HADHB: variants seen among roughly 807,000 people sequenced by gnomAD.
HADHB encodes the protein hydroxyacyl-CoA dehydrogenase trifunctional multienzyme complex subunit beta.
In HADHB, 50 loss-of-function variants were observed where a neutral mutation model predicts 61.9. The ratio of observed to expected loss-of-function variants is 0.81; its 90% CI spans 0.64 to 1.02. The LOEUF (loss-of-function observed/expected upper bound fraction) is 1.02. HADHB is among the 50% of genes least tolerant of loss of function. The pLI is 0.00. For synonymous variants in HADHB, 191 were observed against 201.6 expected (o/e 0.95, Z 0.45); for missense variants, 504 against 586.5 (o/e 0.86, Z 1.45).
rs1418585007 is a variant in HADHB, at chr2:26,280,061, A to C, written c.879A>C (p.Lys293Asn). 6.2e-7 allele frequency: 1 copy of C among 1,611,210 alleles called. No individual in the cohort carries two copies. The highest frequency in any genetic ancestry group is 1.7e-5 in the Admixed American group (1 of 60,012). Residue 293 changes from lysine (K) to asparagine (N), a missense_variant, in exon 10 of 16, where the codon AAA (lysine) becomes AAC (asparagine). Coordinates refer to ENST00000317799, the MANE Select transcript of HADHB (RefSeq NM_000183.3). Reference protein sequence around the residue: ...PSSLEQMAKLKPAFIKPYGTV... With the variant: ...PSSLEQMAKLNPAFIKPYGTV... ...CACTGGAGCAGATGGCCAAACTAAA[A>C]CCTGCATTCATCAAGCCCTACGGCA... is the stretch of plus-strand genomic sequence containing the variant.
At chr2:26,285,302 G>A (rs1391932600) in intron 14 of HADHB, 105 bp from the exon 15 acceptor site, 9 of 937,012 alleles carry the variant, frequency 9.6e-6, no homozygotes, top group Admixed American at 5.4e-5. Flanking sequence ...TATGTCTGAC[G>A]TTACGTATTT....
Position 26,277,145 on chromosome 2 carries a change from C to G in HADHB, c.427C>G (p.Gln143Glu), listed in dbSNP as rs200718690. The G allele has an allele frequency of 6.5e-7, 1 of 1,540,318 alleles. No homozygotes were observed. The highest frequency in any genetic ancestry group is 8.9e-7 in the Non-Finnish European group (1 of 1,120,980). ...TVTMACISAN[Q>E]AMTTGVGLIA... ...CACCATGGCTTGTATCTCTGCCAAC[C>G]AAGCCATGACCACAGGTATGTTTAA... The change falls in exon 7 of 16, where the codon CAA becomes GAA. Residue 143 changes from glutamine (Q) to glutamate (E), a missense_variant. Gln to Glu is a conservative substitution (Grantham distance 29). Coordinates refer to ENST00000317799, the MANE Select transcript of HADHB (RefSeq NM_000183.3).
chr2:26,282,531 TTACAGGCA>T, intron 10 of HADHB, among the ~76,000 whole-genome samples: 1 of 152,308 alleles, frequency 6.6e-6, no homozygotes, highest in Non-Finnish European at 1.5e-5. Flanking sequence ...AGTGCTGGGA[TTACAGGCA>T]TACAGGCATG....
chr2:26,276,613 C>T (rs1312139814), intron 6 of HADHB, among the ~76,000 whole-genome samples: 1 of 152,178 alleles, frequency 6.6e-6, no homozygotes, highest in Non-Finnish European at 1.5e-5. Flanking sequence ...ATCACTTTTG[C>T]TTTGCTGCTA....
At chr2:26,266,747 G>C (rs1251193471) in intron 4 of HADHB, among the ~76,000 whole-genome samples, 1 of 151,622 alleles carries the variant, frequency 6.6e-6, no homozygotes, top group Non-Finnish European at 1.5e-5. Context: ...AGGCATGGTG[G>C]CGTGCACCTG....
chr2:26,271,882 C>T (rs947693746), intron 5 of HADHB, among the ~76,000 whole-genome samples: 3 of 152,022 alleles, frequency 2.0e-5, no homozygotes, highest in Non-Finnish European at 4.4e-5. Context: ...GCAGGGCAAT[C>T]GAGCAAGACT....
At chr2:26,266,724 A>G (rs183280260) in intron 4 of HADHB, among the ~76,000 whole-genome samples, 1 of 151,318 alleles carries the variant, frequency 6.6e-6, no homozygotes, top group Non-Finnish European at 1.5e-5. Flanking sequence ...TACTAAAAAT[A>G]CAAAAATTAG....
chr2:26,270,980 G>A (rs1414557456), intron 5 of HADHB, among the ~76,000 whole-genome samples: 2 of 149,516 alleles, frequency 1.3e-5, no homozygotes, highest in African/African-American at 2.5e-5. Context: ...CCGGGTTCAC[G>A]CCATTCTCCT....
chr2:26,282,121 A>C (rs985193918), intron 10 of HADHB, among the ~76,000 whole-genome samples: 1 of 152,120 alleles, frequency 6.6e-6, no homozygotes, highest in Non-Finnish European at 1.5e-5. Flanking sequence ...ACGGGCAGAA[A>C]GCAGCTGAGA....
chr2:26,263,401 A>C lies in HADHB; in HGVS notation c.131A>C (p.Lys44Thr). ...AAPAVQTKTK[K>T]TLAKPNIRNV... ...AAAGCTGTCCAGACCAAAACGAAGA[A>C]GACGTTAGCCAAACCCAATATAAGG... Residue 44 changes from lysine (K) to threonine (T), a missense_variant, in exon 4 of 16, where the codon AAG becomes ACG. Coordinates refer to ENST00000317799, the MANE Select transcript of HADHB (RefSeq NM_000183.3). The C allele has an allele frequency of 6.2e-7, 1 of 1,612,024 alleles. No homozygotes were observed. Among genetic ancestry groups the C allele is most frequent in the Non-Finnish European group, 8.5e-7 (1 of 1,178,128 alleles).
chr2:26,262,891 C>T lies in HADHB; in HGVS notation c.110-489C>T, dbSNP rs527378187. Among the ~76,000 whole-genome samples the T allele has an allele frequency of 2.6e-5, 4 of 152,154 alleles. 1 individual carries two copies. The East Asian group carries it at 7.7e-4, about 29-fold the overall frequency. On this transcript the variant is annotated intron_variant, in intron 3 of 15. Transcript: ENST00000317799. ...ATCTTAAATATTATTTAGAAACTTA[C>T]AAATGCTAGTCAATTTCTTAGCCTT...
rs1320753863 is a variant in HADHB at position 26,253,872 on chromosome 2, AT to A, written c.-8-374del. On this transcript the variant is annotated intron_variant, in intron 1 of 15. Transcript: ENST00000317799. The stretch of plus-strand genomic sequence containing the variant: ...CCATCTCAAAAAAATAAATAAATAA[AT>A]AAATAAATAAATAAATAAATAAATA... 4.7e-3 allele frequency among the ~76,000 whole-genome samples: 697 copies of A among 148,030 alleles called. 5 individuals are homozygous for A. The highest frequency in any genetic ancestry group is 6.0e-3 in the Non-Finnish European group (405 of 67,220).
Position 26,279,239 on chromosome 2 carries a change from A to G in HADHB, c.735A>G (p.Ala245=), listed in dbSNP as rs1378842987. Residue 245 remains alanine (A), a synonymous_variant, in exon 9 of 16, where the codon GCA becomes GCG. Coordinates refer to ENST00000317799, the MANE Select transcript of HADHB (RefSeq NM_000183.3). ...CTCGGCTGGAACAGGATGAATATGC[A>G]CTGCGCTCTCACAGTCTAGCCAAGA... is the stretch of plus-strand genomic sequence containing the variant. ...AVSRLEQDEY[A]LRSHSLAKKA... 7.4e-6 allele frequency: 12 copies of G among 1,613,316 alleles called. No individual in the cohort carries two copies. Among genetic ancestry groups the G allele is most frequent in the Non-Finnish European group, 1.0e-5 (12 of 1,179,434 alleles).
chr2:26,285,683 G>T (rs1474023048), intron 15 of HADHB, 112 bp downstream of exon 15: 6 of 662,288 alleles, frequency 9.1e-6, no homozygotes, highest in East Asian at 2.8e-5. Flanking sequence ...TGACCTGGGG[G>T]TGGGGAGTGG....
chr2:26,256,250 A>C (rs913044274), intron 3 of HADHB, among the ~76,000 whole-genome samples: 1 of 152,248 alleles, frequency 6.6e-6, no homozygotes, highest in Non-Finnish European at 1.5e-5. Flanking sequence ...GGAAGCAGGC[A>C]TGTGCCTGTG....
chr2:26,270,208 C>T (rs1165386722), intron 5 of HADHB, among the ~76,000 whole-genome samples: 1 of 152,114 alleles, frequency 6.6e-6, no homozygotes, highest in African/African-American at 2.4e-5. Flanking sequence ...CCACAGGACT[C>T]GATTGATCAG....
intron 6 of HADHB, among the ~76,000 whole-genome samples, chr2:26,276,775 T>G (rs774385988): frequency 2.5e-4 from 38 of 152,204 alleles, no homozygotes; most frequent in Non-Finnish European, 4.6e-4. Flanking sequence ...TATATTGATA[T>G]TCTTGAAGGC....
At position 26,280,135 on chromosome 2, in the gene HADHB, G is replaced by A. The variant is rs1010430114; in HGVS notation, c.933+20G>A. 1.6e-5 allele frequency: 26 copies of A among 1,595,268 alleles called. No homozygotes were observed. The highest frequency in any genetic ancestry group is 1.7e-4 in the Middle Eastern group (1 of 6,032). On this transcript the variant is annotated intron_variant, in intron 10 of 15. Coordinates refer to ENST00000317799, the MANE Select transcript of HADHB (RefSeq NM_000183.3). ...TTCTTGGTAACTGTCAATGTTATTT[G>A]TATTTAGTAGTGACTTTTCTATTTC...
intron 4 of HADHB, among the ~76,000 whole-genome samples, chr2:26,266,434 G>A (rs899440299): frequency 5.3e-5 from 8 of 152,082 alleles, no homozygotes; most frequent in African/African-American, 4.8e-5. Context: ...TTGCAGAAAC[G>A]TTGCTTTCAA....
Sources: allele counts gnomAD v4.1 joint callset (sites outside exome capture counted in the v4.1 genomes callset), GRCh38; gene constraint gnomAD v4.1.1; transcripts MANE v1.5; gene names NCBI Gene and HGNC (gene_info 2026-07-23, HGNC 2026-07-21).